Variants in XKR5 observed in about 807,000 individuals in gnomAD.
XKR5 encodes XK related 5, also known as XK-related protein 5.
A neutral mutation model predicts 40.8 loss-of-function variants in XKR5; 46 were observed. The observed-to-expected ratio is 1.13, with a 90% CI of 0.89 to 1.44. The LOEUF (loss-of-function observed/expected upper bound fraction) is 1.44, where lower values mean the gene tolerates loss of function less well. XKR5 is among the 40% of genes most tolerant of loss of function. The probability of loss-of-function intolerance (pLI) is 0.00; values close to 1 mark genes in which losing one functional copy is unlikely to be tolerated. For synonymous variants in XKR5, 466 were observed against 356.1 expected (o/e 1.31, Z -3.48); for missense variants, 1,169 against 844.7 (o/e 1.38, Z -4.76).
intron 4 of XKR5, among the ~76,000 whole-genome samples, chr8:6,822,795 T>C (rs1415821533): frequency 6.6e-6 from 1 of 152,218 alleles, no homozygotes; most frequent in Non-Finnish European, 1.5e-5. Context: ...ATATTGCGTG[T>C]GCCTAGACTG....
chr8:6,826,547 G>T (rs4841771), intron 2 of XKR5, among the ~76,000 whole-genome samples: 10,349 of 152,186 alleles, frequency 0.068, 826 homozygotes, highest in East Asian at 0.27. Flanking sequence ...TGAGGTTTCA[G>T]GCCTAAATGA....
rs1587144631 is a variant in XKR5, at chr8:6,810,134, A to T, written c.*1064T>A. 1 of 152,234 alleles carries T rather than the reference A, an allele frequency of 6.6e-6. No homozygotes were observed. The highest frequency in any genetic ancestry group is 2.4e-5 in the African/African-American group (1 of 41,450). 9.4% of individuals were successfully genotyped at this position (152,234 alleles called of 1,614,324 possible). On this transcript the variant is annotated 3_prime_UTR_variant, in exon 7 of 7. Transcript: ENST00000618742. ...TCAACAAATAAACAAATGAAATGAAACAAAACAAAACAAAAATACCCATCC... is the reference window on the plus strand; with the variant it reads ...TCAACAAATAAACAAATGAAATGAATCAAAACAAAACAAAAATACCCATCC...
chr8:6,823,399 C>T, intron 4 of XKR5, 122 bp downstream of exon 4: 3 of 1,026,554 alleles, frequency 2.9e-6, no homozygotes, highest in Non-Finnish European at 2.9e-6. Context: ...ATCCATTCAG[C>T]AGAGAGCCCA....
rs560240077 is a variant in XKR5, at chr8:6,835,420, G to C, written c.58+16C>G. 6 of 1,469,950 alleles carry C rather than the reference G, an allele frequency of 4.1e-6. No individual in the cohort carries two copies. Among genetic ancestry groups the C allele is most frequent in the African/African-American group, 1.5e-5 (1 of 68,214 alleles). The allele number at this position is 1,469,950 out of a possible 1,614,324, so 91.1% of individuals were successfully genotyped here. A position where few individuals can be genotyped will look rare whatever the true frequency, so the allele number is the denominator to read the frequency against. On this transcript the variant is annotated intron_variant, in intron 1 of 6. Transcript: ENST00000618742. ...GGGCTGCAGGGGTGAGCACAGCCTC[G>C]GGCTGCCGCACTCACGCGCGCTCTG...
At chr8:6,826,033 A>G (rs1377208836) in intron 2 of XKR5, among the ~76,000 whole-genome samples, 1 of 152,078 alleles carries the variant, frequency 6.6e-6, no homozygotes, top group East Asian at 1.9e-4. Context: ...GGTAATATGT[A>G]CTGTCTGGGG....
rs763175849 is a variant in XKR5, at chr8:6,812,032, T to C, written c.1227A>G (p.Lys409=). Residue 409 remains lysine (K), a synonymous_variant, in exon 7 of 7, where the codon AAA becomes AAG. Transcript: ENST00000618742. ...FLSHHHWLWV[K]LALKTGNVSK... The stretch of plus-strand genomic sequence containing the variant: ...ACACATTTCCTGTTTTTAGGGCAAG[T>C]TTCACCCACAGCCAGTGGTGATGAC... The C allele has an allele frequency of 2.6e-6, 4 of 1,537,860 alleles. No homozygotes were observed. Among genetic ancestry groups the C allele is most frequent in the East Asian group, 4.9e-5 (2 of 40,912 alleles).
rs1427538275 is a variant in XKR5, at chr8:6,821,934, A to C, written c.742T>G (p.Tyr248Asp). The change falls in exon 5 of 7, where the codon TAC (tyrosine) becomes GAC (aspartate). Residue 248 changes from tyrosine (Y) to aspartate (D), a missense_variant. Coordinates refer to ENST00000618742, the MANE Select transcript of XKR5 (RefSeq NM_207411.5). ...CAGAAGCTGAGGTAGCAGAGGATGTACACGGCCCCCACGAGCAGGTTGAAC... is the reference window on the plus strand; with the variant it reads ...CAGAAGCTGAGGTAGCAGAGGATGTCCACGGCCCCCACGAGCAGGTTGAAC... Reference protein sequence around the residue: ...RLFNLLVGAVYILCYLSFWDS... With the variant: ...RLFNLLVGAVDILCYLSFWDS... 10 of 1,613,184 alleles carry C rather than the reference A, an allele frequency of 6.2e-6. No homozygotes were observed. Among genetic ancestry groups the C allele is most frequent in the Non-Finnish European group, 8.5e-6 (10 of 1,179,620 alleles).
intron 1 of XKR5, 94 bp downstream of exon 1, chr8:6,835,342 G>T: frequency 3.2e-6 from 4 of 1,268,472 alleles, no homozygotes; most frequent in Non-Finnish European, 4.1e-6. Context: ...CTGGGGCAGT[G>T]CCCGCCCGGG....
At chr8:6,819,428 A>C (rs1217093272) in intron 5 of XKR5, among the ~76,000 whole-genome samples, 1 of 152,210 alleles carries the variant, frequency 6.6e-6, no homozygotes, top group South Asian at 2.1e-4. Context: ...CAGTCTGGGC[A>C]TTTCTAACCT....
At chr8:6,812,403 G>GCC in intron 6 of XKR5, 64 bp from the exon 7 acceptor site, 1 of 1,450,744 alleles carries the variant, frequency 6.9e-7, no homozygotes, top group Non-Finnish European at 9.1e-7. Flanking sequence ...CCTCTGGTGT[G>GCC]CAGTTTCAGG....
intron 5 of XKR5, among the ~76,000 whole-genome samples, chr8:6,817,199 G>A (rs1189296005): frequency 1.3e-5 from 2 of 152,174 alleles, no homozygotes; most frequent in African/African-American, 4.8e-5. Context: ...CAATGTCAGG[G>A]TGACCCACTT....
intron 2 of XKR5, among the ~76,000 whole-genome samples, chr8:6,827,101 T>C (rs1014349775): frequency 6.6e-6 from 1 of 152,114 alleles, no homozygotes; most frequent in African/African-American, 2.4e-5. Context: ...ATAGAACCCA[T>C]GACCACGAAG....
intron 4 of XKR5, 99 bp downstream of exon 4, chr8:6,823,422 G>T: frequency 7.6e-7 from 1 of 1,312,998 alleles, no homozygotes; most frequent in Non-Finnish European, 1.1e-6. Flanking sequence ...CAGCCTTCAG[G>T]CCTGGGATTG....
intron 6 of XKR5, among the ~76,000 whole-genome samples, chr8:6,813,941 C>T (rs868163259): frequency 6.6e-6 from 1 of 152,188 alleles, no homozygotes; most frequent in Non-Finnish European, 1.5e-5. Flanking sequence ...GACATTTTCC[C>T]TCCCACCACA....
At position 6,832,741 on chromosome 8, in the gene XKR5, A is replaced by T; in HGVS notation, c.218T>A (p.Leu73His). The change falls in exon 2 of 7, where the codon CTC (leucine) becomes CAC (histidine). Residue 73 changes from leucine to histidine, a missense_variant. Leu to His is a moderately conservative substitution (Grantham distance 99). Transcript: ENST00000618742. ...CCGCTTCCAAACACCAAGCTGTAGG[A>T]GGTGCAGCATCATCAAGGAGCAATG... Reference protein sequence around the residue: ...PGHCSLMMLHLLQLGVWKRHW... With the variant: ...PGHCSLMMLHHLQLGVWKRHW... The T allele has an allele frequency of 6.2e-7, 1 of 1,613,238 alleles. No homozygotes were observed. Among genetic ancestry groups the T allele is most frequent in the Non-Finnish European group, 8.5e-7 (1 of 1,179,636 alleles).
Position 6,811,493 on chromosome 8 carries a change from G to A in XKR5, c.1766C>T (p.Ala589Val), listed in dbSNP as rs572546752. 82 of 1,527,696 alleles carry A rather than the reference G, an allele frequency of 5.4e-5. No homozygotes were observed. Among genetic ancestry groups the A allele is most frequent in the African/African-American group, 3.0e-4 (22 of 72,860 alleles). 94.6% of individuals were successfully genotyped at this position (1,527,696 alleles called of 1,614,324 possible). A position where few individuals can be genotyped will look rare whatever the true frequency, so the allele number is the denominator to read the frequency against. ...QPASPHPVGLAPFPDTMADIS... is the reference protein window; with the variant it reads ...QPASPHPVGLVPFPDTMADIS... Reference sequence around the variant, plus strand: ...GTCGGCCATGGTGTCGGGGAAGGGCGCCAAGCCCACTGGGTGGGGCGATGC... The same window carrying A: ...GTCGGCCATGGTGTCGGGGAAGGGCACCAAGCCCACTGGGTGGGGCGATGC... The change falls in exon 7 of 7, where the codon GCG becomes GTG. Residue 589 changes from alanine to valine, a missense_variant. Coordinates refer to ENST00000618742, the MANE Select transcript of XKR5 (RefSeq NM_207411.5).
chr8:6,832,926 A>G, intron 1 of XKR5, 26 bp from the exon 2 acceptor site: 2 of 1,528,502 alleles, frequency 1.3e-6, no homozygotes, highest in South Asian at 1.3e-5. Context: ...AAAGGCAAGC[A>G]GGTTGTTGGA....
In XKR5 at chr8:6,814,443, A is replaced by C. The variant is rs563461328; in HGVS notation, c.919+1364T>G. Among the ~76,000 whole-genome samples, 3 of 152,168 alleles carry C rather than the reference A, an allele frequency of 2.0e-5. No homozygotes were observed. The South Asian group carries it at 6.2e-4, about 32-fold the overall frequency. On this transcript the variant is annotated intron_variant, in intron 6 of 6. Coordinates refer to ENST00000618742, the MANE Select transcript of XKR5 (RefSeq NM_207411.5). ...AAGTGATAGAATAATAGAAACAGAG[A>C]ACAGAATAATGGTTGCCAGGAGGGA...
intron 2 of XKR5, among the ~76,000 whole-genome samples, chr8:6,827,604 C>T (rs755226067): frequency 2.7e-4 from 41 of 152,292 alleles, no homozygotes; most frequent in Admixed American, 1.9e-3. Context: ...CTGACATAAA[C>T]TTAATGTTAA....
Sources: allele counts gnomAD v4.1 joint callset (sites outside exome capture counted in the v4.1 genomes callset), GRCh38; gene constraint gnomAD v4.1.1; transcripts MANE v1.5; gene names NCBI Gene and HGNC (gene_info 2026-07-23, HGNC 2026-07-21).